The following GALNTL6 variants were observed in gnomAD, a reference collection of about 807,000 sequenced individuals.
GALNTL6 encodes the protein polypeptide N-acetylgalactosaminyltransferase like 6.
Under a neutral mutation model 73.7 loss-of-function variants are expected in GALNTL6, and 46 were observed. That is an observed-to-expected ratio of 0.62 (90% CI 0.49 to 0.80). The LOEUF is 0.80. GALNTL6 is among the 30% of genes least tolerant of loss of function. The pLI is 0.00. For synonymous variants in GALNTL6, 259 were observed against 263.7 expected (o/e 0.98, Z 0.17); for missense variants, 604 against 755.0 (o/e 0.80, Z 2.34).
At chr4:171,856,251 C>A (rs936264220) in intron 2 of GALNTL6, among the ~76,000 whole-genome samples, 1 of 149,134 alleles carries the variant, frequency 6.7e-6, no homozygotes, top group African/African-American at 2.5e-5. Context: ...TACAGGTGCC[C>A]ACCACCACAC....
intron 2 of GALNTL6, among the ~76,000 whole-genome samples, chr4:171,947,579 C>CTA (rs1366863679): frequency 6.6e-6 from 1 of 152,128 alleles, no homozygotes; most frequent in Non-Finnish European, 1.5e-5. Context: ...AGTGAACTGA[C>CTA]TATAGGGAGA....
chr4:172,022,932 A>G (rs28726141), intron 2 of GALNTL6, among the ~76,000 whole-genome samples: 11,443 of 152,040 alleles, frequency 0.075, 837 homozygotes, highest in African/African-American at 0.19. Context: ...ACTTCAAACT[A>G]TTGACTCTAT....
intron 5 of GALNTL6, among the ~76,000 whole-genome samples, chr4:172,363,062 A>G (rs773624996): frequency 1.3e-4 from 20 of 152,080 alleles, no homozygotes; most frequent in Admixed American, 1.3e-4. Context: ...CTTATGCACA[A>G]CATGTCAAAG....
chr4:172,265,682 G>A (rs990804208), intron 3 of GALNTL6, among the ~76,000 whole-genome samples: 6 of 151,826 alleles, frequency 4.0e-5, no homozygotes, highest in African/African-American at 9.7e-5. Context: ...TTCCCAAACC[G>A]TGAACAAAGA....
chr4:172,966,376 A>T (rs943236275), intron 10 of GALNTL6, among the ~76,000 whole-genome samples: 1 of 151,780 alleles, frequency 6.6e-6, no homozygotes, highest in African/African-American at 2.4e-5. Flanking sequence ...CTGGGATGAA[A>T]TTTTTTAAAA....
chr4:172,064,562 A>G (rs1331591435), intron 2 of GALNTL6, among the ~76,000 whole-genome samples: 9 of 152,210 alleles, frequency 5.9e-5, no homozygotes, highest in African/African-American at 2.2e-4. Flanking sequence ...GTTCTGACCT[A>G]GAATGGGTAC....
chr4:172,091,025 G>C (rs569076827), intron 2 of GALNTL6, among the ~76,000 whole-genome samples: 49 of 151,998 alleles, frequency 3.2e-4, no homozygotes, highest in Non-Finnish European at 5.9e-4. Flanking sequence ...GTAATTTTGA[G>C]GCTTCTGTTC....
chr4:171,947,732 G>T (rs190056213), intron 2 of GALNTL6, among the ~76,000 whole-genome samples: 4 of 152,012 alleles, frequency 2.6e-5, no homozygotes, highest in Non-Finnish European at 5.9e-5. Flanking sequence ...TGGGAAACAG[G>T]GGTGGAGGAA....
At chr4:172,162,361 T>C (rs1431858283) in intron 2 of GALNTL6, among the ~76,000 whole-genome samples, 1 of 151,926 alleles carries the variant, frequency 6.6e-6, no homozygotes, top group African/African-American at 2.4e-5. Context: ...AGTAGAACTA[T>C]GGACCTTCAT....
At chr4:171,828,175 G>T (rs1275652708) in intron 2 of GALNTL6, among the ~76,000 whole-genome samples, 1 of 152,150 alleles carries the variant, frequency 6.6e-6, no homozygotes, top group Non-Finnish European at 1.5e-5. Flanking sequence ...AATACGTACT[G>T]TACTACTGCA....
intron 2 of GALNTL6, among the ~76,000 whole-genome samples, chr4:172,152,339 G>C (rs1370861585): frequency 6.6e-6 from 1 of 152,118 alleles, no homozygotes; most frequent in Non-Finnish European, 1.5e-5. Context: ...TCAGACAGGG[G>C]AATATGAGTC....
At chr4:172,032,747 T>C (rs913524588) in intron 2 of GALNTL6, among the ~76,000 whole-genome samples, 2 of 152,008 alleles carry the variant, frequency 1.3e-5, no homozygotes, top group African/African-American at 4.8e-5. Context: ...GAATGTTTTT[T>C]TCCAAAAAAT....
chr4:172,781,632 C>T (rs942269403), intron 5 of GALNTL6, among the ~76,000 whole-genome samples: 7 of 151,878 alleles, frequency 4.6e-5, no homozygotes, highest in East Asian at 1.9e-4. Context: ...CCACAAAATA[C>T]GGATTTCCAA....
chr4:172,849,867 G>A (rs1743721399), intron 7 of GALNTL6, among the ~76,000 whole-genome samples: 1 of 152,172 alleles, frequency 6.6e-6, no homozygotes, highest in African/African-American at 2.4e-5. Context: ...GAGTATGTGT[G>A]AGGCTGAGGC....
intron 2 of GALNTL6, among the ~76,000 whole-genome samples, chr4:171,853,012 A>ATTTTTTTTTTTTTTTTTTTT (rs765984611): frequency 3.5e-5 from 3 of 86,870 alleles, no homozygotes; most frequent in Admixed American, 1.6e-4. Flanking sequence ...CGCCCGGCTA[A>ATTTTTTTTTTTTTTTTTTTT]TTTTTTTTTT....
At chr4:172,606,679 TATATA>T (rs1738312935) in intron 5 of GALNTL6, among the ~76,000 whole-genome samples, 1 of 40,426 alleles carries the variant, frequency 2.5e-5, no homozygotes, top group African/African-American at 5.0e-5. Flanking sequence ...ATATATACTA[TATATA>T]TAGTATATAT....
chr4:172,283,684 T>TA (rs1219968041), intron 3 of GALNTL6, among the ~76,000 whole-genome samples: 1 of 152,102 alleles, frequency 6.6e-6, no homozygotes, highest in Non-Finnish European at 1.5e-5. Context: ...TAATTAATAT[T>TA]AAAAAGAGGA....
At chr4:172,206,847 TCA>T (rs1736144947) in intron 2 of GALNTL6, among the ~76,000 whole-genome samples, 1 of 120,774 alleles carries the variant, frequency 8.3e-6, no homozygotes, top group Non-Finnish European at 1.6e-5. Context: ...AGACGGAGTC[TCA>T]CTCTGTCGCC....
intron 5 of GALNTL6, among the ~76,000 whole-genome samples, chr4:172,793,639 G>T (rs924658998): frequency 6.6e-6 from 1 of 152,144 alleles, no homozygotes; most frequent in African/African-American, 2.4e-5. Context: ...AATTACAATC[G>T]AAAATTTGTT....
Sources: allele counts gnomAD v4.1 joint callset (sites outside exome capture counted in the v4.1 genomes callset), GRCh38; gene constraint gnomAD v4.1.1; transcripts MANE v1.5; gene names NCBI Gene and HGNC (gene_info 2026-07-23, HGNC 2026-07-21).